The following TNS1 variants were observed in gnomAD, a reference collection of about 807,000 sequenced individuals.
TNS1 encodes tensin 1, also known as tensin-1.
A neutral mutation model predicts 168.6 loss-of-function variants in TNS1; 62 were observed. The observed-to-expected ratio is 0.37, with a 90% confidence interval of 0.30 to 0.45. TNS1 has a LOEUF of 0.45. Among genes scored for constraint, TNS1 ranks in the 20% least tolerant of loss-of-function variants. The probability of loss-of-function intolerance (pLI) is 1.00; values close to 1 mark genes in which losing one functional copy is unlikely to be tolerated. For synonymous variants in TNS1, 934 were observed against 933.2 expected, an observed-to-expected ratio of 1.00 and a Z score of -0.02; for missense variants, 2,240 against 2,339.4, an observed-to-expected ratio of 0.96 and a Z score of 0.88.
intron 3 of TNS1, among the ~76,000 whole-genome samples, chr2:217,949,845 C>T (rs1468167276): frequency 6.6e-6 from 1 of 152,144 alleles, no homozygotes; most frequent in South Asian, 2.1e-4. Context: ...AGCAAGGGAA[C>T]ATTTTTCTTG....
In TNS1 at chr2:217,848,981, A is replaced by C. The variant is rs543559238; in HGVS notation, c.1536T>G (p.Pro512=). The change falls in exon 19 of 33, where the codon CCT becomes CCG. Residue 512 remains proline (P), a synonymous_variant. Coordinates refer to ENST00000682258, the MANE Select transcript of TNS1 (RefSeq NM_001387777.1). ...CGTGGTTGGGGGTGGCCGACAGTGT[A>C]GGACGTGTGGCATTAACAGCCCCGG... ...GSTGAVNATR[P]TLSATPNHVE... is the part of the protein sequence containing the mutation. The C allele has an allele frequency of 6.2e-7, 1 of 1,613,974 alleles. No individual in the cohort carries two copies. Among genetic ancestry groups the C allele is most frequent in the East Asian group, 2.2e-5 (1 of 44,868 alleles).
At chr2:217,850,554 G>A (rs114358302) in intron 18 of TNS1, 3 of 982,470 alleles carry the variant, frequency 3.1e-6, no homozygotes, top group African/African-American at 1.8e-5. Context: ...ACCCTGTACA[G>A]TCAGCAGCCC....
chr2:217,923,313 T>C (rs1447001701), intron 3 of TNS1, among the ~76,000 whole-genome samples: 1 of 152,252 alleles, frequency 6.6e-6, no homozygotes, highest in Non-Finnish European at 1.5e-5. Flanking sequence ...TGACAGGGTG[T>C]CCTGCTCAAT....
At chr2:217,898,296 C>A (rs1297996979) in intron 7 of TNS1, among the ~76,000 whole-genome samples, 1 of 152,228 alleles carries the variant, frequency 6.6e-6, no homozygotes, top group African/African-American at 2.4e-5. Flanking sequence ...AGAGCCAGGG[C>A]CAGACTGGCC....
chr2:217,859,985 C>T (rs757585722), intron 18 of TNS1, among the ~76,000 whole-genome samples: 7 of 152,196 alleles, frequency 4.6e-5, no homozygotes, highest in Non-Finnish European at 8.8e-5. Flanking sequence ...CTGGGCTTTG[C>T]GGCCAGGCCA....
intron 23 of TNS1, among the ~76,000 whole-genome samples, chr2:217,820,875 T>C (rs940825334): frequency 6.6e-6 from 1 of 152,112 alleles, no homozygotes; most frequent in Non-Finnish European, 1.5e-5. Flanking sequence ...CTCAGAAATA[T>C]GGATGCCAGC....
chr2:217,840,057 G>A (rs193008968), intron 19 of TNS1, among the ~76,000 whole-genome samples: 27 of 152,342 alleles, frequency 1.8e-4, no homozygotes, highest in African/African-American at 6.3e-4. Context: ...AAGGAGGGAG[G>A]GGCGGTTGAA....
chr2:217,911,335 CCAG>C (rs1245447073), intron 4 of TNS1, among the ~76,000 whole-genome samples: 1 of 152,188 alleles, frequency 6.6e-6, no homozygotes, highest in Non-Finnish European at 1.5e-5. Context: ...AGTCCCAAAA[CCAG>C]CAGTTAGAGC....
At chr2:217,829,961 A>C (rs1313772234) in intron 22 of TNS1, 5 of 1,581,330 alleles carry the variant, frequency 3.2e-6, no homozygotes, top group African/African-American at 2.7e-5. Context: ...GGAAGAGCAA[A>C]AAAGGAAAAA....
intron 3 of TNS1, among the ~76,000 whole-genome samples, chr2:217,970,866 G>A (rs567465137): frequency 7.9e-5 from 12 of 151,970 alleles, no homozygotes; most frequent in Admixed American, 4.6e-4. Flanking sequence ...TTAAATGGGC[G>A]TATTGTGTGG....
At chr2:217,883,409 C>A (rs937821083) in intron 16 of TNS1, among the ~76,000 whole-genome samples, 20 of 152,056 alleles carry the variant, frequency 1.3e-4, no homozygotes, top group Admixed American at 4.6e-4. Context: ...TGCTAACAGG[C>A]ACATGCCACC....
chr2:217,880,122 T>G lies in TNS1; in HGVS notation c.1429+776A>C, dbSNP rs1436471912. Among the ~76,000 whole-genome samples the G allele has an allele frequency of 6.6e-6, 1 of 152,184 alleles. No homozygotes were observed. The highest frequency in any genetic ancestry group is 1.5e-5 in the Non-Finnish European group (1 of 68,036). On this transcript the variant is annotated intron_variant, in intron 18 of 32. Coordinates refer to ENST00000682258, the MANE Select transcript of TNS1 (RefSeq NM_001387777.1). The surrounding 1 kb of genome is among the most constrained non-coding windows in gnomAD (Gnocchi z 4.2). ...GTGGCCAAACCCCAGGCAGGGCATC[T>G]CAAGAGTTCCTGGGCTCTGGGCATG...
In TNS1 at chr2:217,821,811, G is replaced by A. The variant is rs556501225; in HGVS notation, c.3501C>T (p.Asn1167=). The A allele has an allele frequency of 1.2e-5, 18 of 1,551,606 alleles. No individual in the cohort carries two copies. Among genetic ancestry groups the A allele is most frequent in the South Asian group, 4.9e-5 (4 of 81,920 alleles). The part of the protein sequence containing the change: ...QAYGHEIPLR[N]GTLGGSFVSP... ...AGACAAAGGAGCCACCCAGGGTCCC[G>A]TTCCTCAGGGGTATCTCATGGCCAT... is the stretch of plus-strand genomic sequence containing the variant. Residue 1167 remains asparagine (N), a synonymous_variant, in exon 23 of 33, where the codon AAC becomes AAT. Coordinates refer to ENST00000682258, the MANE Select transcript of TNS1 (RefSeq NM_001387777.1).
intron 3 of TNS1, among the ~76,000 whole-genome samples, chr2:217,973,498 G>A (rs1361703011): frequency 1.3e-5 from 2 of 152,184 alleles, no homozygotes; most frequent in African/African-American, 2.4e-5. Context: ...TAAGGAGACT[G>A]GGAATTTGCT....
At chr2:217,992,887 A>G (rs1440264604) in intron 1 of TNS1, among the ~76,000 whole-genome samples, 2 of 152,228 alleles carry the variant, frequency 1.3e-5, no homozygotes, top group Non-Finnish European at 2.9e-5. Flanking sequence ...ATCAAAATAC[A>G]TGATGATAGG....
intron 4 of TNS1, among the ~76,000 whole-genome samples, chr2:217,919,946 C>G (rs1955545044): frequency 6.6e-6 from 1 of 152,180 alleles, no homozygotes; most frequent in Non-Finnish European, 1.5e-5. Flanking sequence ...CACAAGATGC[C>G]CTTTTATGGG....
At chr2:217,985,719 GC>G (rs1469685147) in intron 2 of TNS1, 1 of 152,176 alleles carries the variant, frequency 6.6e-6, no homozygotes, top group Non-Finnish European at 1.5e-5. Flanking sequence ...ACTGTGCCCG[GC>G]TTTTGTCCCA....
chr2:217,925,328 C>T (rs993784536), intron 3 of TNS1, among the ~76,000 whole-genome samples: 1 of 152,176 alleles, frequency 6.6e-6, no homozygotes, highest in African/African-American at 2.4e-5. Context: ...AGCACTGCCC[C>T]TCTCACCTCC....
chr2:217,966,034 A>G (rs1199691406), intron 3 of TNS1, among the ~76,000 whole-genome samples: 6 of 150,718 alleles, frequency 4.0e-5, no homozygotes, highest in East Asian at 2.0e-4. Context: ...TCCATTCTCC[A>G]TCTCCCATTT....
Sources: allele counts gnomAD v4.1 joint callset (sites outside exome capture counted in the v4.1 genomes callset), GRCh38; gene constraint gnomAD v4.1.1; non-coding constraint Gnocchi (gnomAD v3.1); transcripts MANE v1.5; gene names NCBI Gene and HGNC (gene_info 2026-07-23, HGNC 2026-07-21).